Variants in ZNF559 observed in about 807,000 individuals in gnomAD.
ZNF559 encodes zinc finger protein 559.
Under a neutral mutation model 14.2 loss-of-function variants are expected in ZNF559, and 17 were observed. That is an observed-to-expected ratio of 1.20 (90% CI 0.82 to 1.80). ZNF559 has a LOEUF of 1.80. Among genes scored for constraint, ZNF559 ranks in the 40% most tolerant of loss-of-function variants. The probability of loss-of-function intolerance (pLI) is 0.00; values close to 1 mark genes in which losing one functional copy is unlikely to be tolerated. For synonymous variants in ZNF559, 244 were observed against 212.4 expected (o/e 1.15, Z -1.29); for missense variants, 740 against 629.7 (o/e 1.18, Z -1.88).
chr19:9,343,706 T>C lies in ZNF559; in HGVS notation c.*638T>C, dbSNP rs897084112. 22 of 986,390 alleles carry C rather than the reference T, an allele frequency of 2.2e-5. No homozygotes were observed. The highest frequency in any genetic ancestry group is 2.6e-5 in the Non-Finnish European group (22 of 830,734). The allele number at this position is 986,390 out of a possible 1,614,324, so 61.1% of individuals were successfully genotyped here. ...CATCCACACTGAAGAGGAACCTGACTGTATGGAAGGTCAAAAAGGCTGTAT... is the reference window on the plus strand; with the variant it reads ...CATCCACACTGAAGAGGAACCTGACCGTATGGAAGGTCAAAAAGGCTGTAT... On this transcript the variant is annotated 3_prime_UTR_variant, in exon 7 of 7. Coordinates refer to ENST00000603380, the MANE Select transcript of ZNF559 (RefSeq NM_032497.3).
At chr19:9,325,979 C>T (rs1003622751) in intron 2 of ZNF559, among the ~76,000 whole-genome samples, 3 of 152,092 alleles carry the variant, frequency 2.0e-5, no homozygotes, top group Non-Finnish European at 2.9e-5. Context: ...TTGTCCATCC[C>T]CACCCCCAAA....
chr19:9,324,517 G>T, intron 1 of ZNF559, 178 bp from the exon 2 acceptor site: 1 of 1,302,344 alleles, frequency 7.7e-7, no homozygotes, highest in Non-Finnish European at 1.0e-6. Flanking sequence ...ATAGGGCCCG[G>T]CGCGGCGGCT....
intron 2 of ZNF559, among the ~76,000 whole-genome samples, chr19:9,334,911 G>T (rs1342820122): frequency 6.6e-6 from 1 of 152,050 alleles, no homozygotes; most frequent in Non-Finnish European, 1.5e-5. Context: ...GAGGCCGGCG[G>T]ATCACGAGGT....
intron 2 of ZNF559, among the ~76,000 whole-genome samples, chr19:9,335,912 C>A (rs986432726): frequency 2.0e-5 from 3 of 152,212 alleles, no homozygotes; most frequent in Admixed American, 6.5e-5. Flanking sequence ...TTAAAGGATT[C>A]GTGAATCAGG....
chr19:9,343,594 C>T lies in ZNF559; in HGVS notation c.*526C>T, dbSNP rs2067668442. ...GAGATTCTTCTTTGTTTTTAGCTTC[C>T]ACTTTGGGAACATGTCAAAGCACAC... On this transcript the variant is annotated 3_prime_UTR_variant, in exon 7 of 7. Coordinates refer to ENST00000603380, the MANE Select transcript of ZNF559 (RefSeq NM_032497.3). 1.0e-6 allele frequency: 1 copy of T among 991,292 alleles called. No individual in the cohort carries two copies. Among genetic ancestry groups the T allele is most frequent in the Non-Finnish European group, 1.2e-6 (1 of 833,066 alleles). 61.4% of individuals were successfully genotyped at this position (991,292 alleles called of 1,614,324 possible). A position where few individuals can be genotyped will look rare whatever the true frequency, so the allele number is the denominator to read the frequency against.
At chr19:9,339,767 CTT>C (rs200842205) in intron 5 of ZNF559, among the ~76,000 whole-genome samples, 4,901 of 134,302 alleles carry the variant, frequency 0.036, 100 homozygotes, top group African/African-American at 0.1. Flanking sequence ...ACATTCTTTA[CTT>C]TTTTTTTTTT....
Position 9,341,751 on chromosome 19 carries a change from GAGTGAACACTCATGCCTTA to G in ZNF559, c.303_321del (p.Ser101ArgfsTer98). Reference sequence around the variant, plus strand: ...ACTTTAACCAATGTGAAAAAGCCTTGAGTGAACACTCATGCCTTAAGACTCACAGGAGAACTTACTTTAG... The same window carrying G: ...ACTTTAACCAATGTGAAAAAGCCTTGAGACTCACAGGAGAACTTACTTTAG... On this transcript the variant is annotated frameshift_variant, in exon 7 of 7. Coordinates refer to ENST00000603380, the MANE Select transcript of ZNF559 (RefSeq NM_032497.3). LOFTEE classifies it low-confidence loss of function (END_TRUNC). 6.3e-7 allele frequency: 1 copy of G among 1,598,874 alleles called. No individual in the cohort carries two copies. The highest frequency in any genetic ancestry group is 8.5e-7 in the Non-Finnish European group (1 of 1,175,882).
intron 2 of ZNF559, among the ~76,000 whole-genome samples, chr19:9,325,908 C>T (rs1266088593): frequency 6.6e-6 from 1 of 151,942 alleles, no homozygotes; most frequent in African/African-American, 2.4e-5. Flanking sequence ...GAACTTTCCC[C>T]TTTTAAGCGT....
rs767519158 is a variant in ZNF559, at chr19:9,342,490, C to CA, written c.1040dup (p.His347GlnfsTer8). 1.6e-5 allele frequency: 26 copies of CA among 1,614,026 alleles called. No individual in the cohort carries two copies. The Admixed American group carries it at 4.3e-4, about 27-fold the overall frequency. On this transcript the variant is annotated frameshift_variant, in exon 7 of 7. Transcript: ENST00000603380. LOFTEE classifies it low-confidence loss of function (END_TRUNC). The stretch of plus-strand genomic sequence containing the variant: ...AGGTCTTATAAAACACAGGCGAACT[C>CA]ACACTGGAGAAAAGCCTTATGAATG...
In ZNF559 at chr19:9,335,060, C is replaced by T. The variant is rs377170563; in HGVS notation, c.-119-2736C>T. On this transcript the variant is annotated intron_variant, in intron 2 of 6. Coordinates refer to ENST00000603380, the MANE Select transcript of ZNF559 (RefSeq NM_032497.3). ...CTGAGGCAAGAGAATGGCGTGAACGCGGGAGGCGGAGCTTGCAGTGAGCCG... is the reference window on the plus strand; with the variant it reads ...CTGAGGCAAGAGAATGGCGTGAACGTGGGAGGCGGAGCTTGCAGTGAGCCG... Among the ~76,000 whole-genome samples, 435 of 150,806 alleles carry T rather than the reference C, an allele frequency of 2.9e-3. 4 individuals carry two copies. In the South Asian group the frequency reaches 0.031, roughly 11 times the overall value.
chr19:9,327,321 C>T (rs1178107194), intron 2 of ZNF559, among the ~76,000 whole-genome samples: 2 of 151,946 alleles, frequency 1.3e-5, no homozygotes, highest in African/African-American at 4.8e-5. Flanking sequence ...GATCTTGGCT[C>T]ACTGCAACCT....
chr19:9,338,666 C>T, intron 4 of ZNF559, 84 bp downstream of exon 4: 1 of 1,039,310 alleles, frequency 9.6e-7, no homozygotes, highest in Non-Finnish European at 1.5e-6. Flanking sequence ...AACAGGGCCC[C>T]TGCAAGCAAA....
intron 2 of ZNF559, among the ~76,000 whole-genome samples, chr19:9,334,667 T>C (rs1299147790): frequency 1.3e-5 from 2 of 152,246 alleles, no homozygotes; most frequent in African/African-American, 4.8e-5. Context: ...TCTACTCTTT[T>C]GTGAATATAT....
At chr19:9,337,891 A>C in intron 3 of ZNF559, 33 bp downstream of exon 3, 1 of 1,532,090 alleles carries the variant, frequency 6.5e-7, no homozygotes, top group Non-Finnish European at 8.7e-7. Flanking sequence ...CTACTTAATC[A>C]AGAGGAATTG....
At chr19:9,336,934 A>T (rs1015068441) in intron 2 of ZNF559, among the ~76,000 whole-genome samples, 3 of 152,194 alleles carry the variant, frequency 2.0e-5, no homozygotes, top group Non-Finnish European at 4.4e-5. Context: ...AGAAGCTATT[A>T]AACCTACAGT....
At chr19:9,326,939 A>G (rs1446783330) in intron 2 of ZNF559, among the ~76,000 whole-genome samples, 2 of 152,252 alleles carry the variant, frequency 1.3e-5, no homozygotes, top group East Asian at 3.8e-4. Context: ...AATTAAAAGT[A>G]AATAAAATTA....
chr19:9,334,552 C>T (rs542523705), intron 2 of ZNF559, among the ~76,000 whole-genome samples: 43 of 152,076 alleles, frequency 2.8e-4, no homozygotes, highest in African/African-American at 8.0e-4. Flanking sequence ...TAACCTATAC[C>T]GTTAGAAGTG....
Position 9,335,135 on chromosome 19 carries a change from CA to C in ZNF559, c.-119-2643del, listed in dbSNP as rs59300029. On this transcript the variant is annotated intron_variant, in intron 2 of 6. Transcript: ENST00000603380. ...TGGGTGACAGAGCGAGACTCTGTCTCAAAAAAAAAAAAAAAAAATTAGCTGG... is the reference window on the plus strand; with the variant it reads ...TGGGTGACAGAGCGAGACTCTGTCTCAAAAAAAAAAAAAAAAATTAGCTGG... Among the ~76,000 whole-genome samples, 462 of 124,496 alleles carry C rather than the reference CA, an allele frequency of 3.7e-3. 4 individuals are homozygous for C. The highest frequency in any genetic ancestry group is 0.013 in the Middle Eastern group (3 of 240). The allele number at this position is 124,496 out of a possible 152,430, so 81.7% of individuals were successfully genotyped here.
rs764252841 is a variant in ZNF559 at position 9,342,051 on chromosome 19, CAG to C, written c.604_605del (p.Glu202MetfsTer14). The C allele has an allele frequency of 1.9e-6, 3 of 1,610,526 alleles. No homozygotes were observed. The highest frequency in any genetic ancestry group is 1.1e-5 in the South Asian group (1 of 90,272). Reference sequence around the variant, plus strand: ...AAGGCTTACCTTCCTCCTCACACCTCAGAGAATGTGTAAGAATTTATGGTGGA... The same window carrying C: ...AAGGCTTACCTTCCTCCTCACACCTCAGAATGTGTAAGAATTTATGGTGGA... ...EKGLPSSSHL[R>X]ECVRIYGGER... On this transcript the variant is annotated frameshift_variant, in exon 7 of 7. Transcript: ENST00000603380. LOFTEE classifies it low-confidence loss of function (END_TRUNC).
Sources: allele counts gnomAD v4.1 joint callset (sites outside exome capture counted in the v4.1 genomes callset), GRCh38; gene constraint gnomAD v4.1.1; transcripts MANE v1.5; gene names NCBI Gene and HGNC (gene_info 2026-07-23, HGNC 2026-07-21).